ROBO1: variants seen among roughly 807,000 people sequenced by gnomAD.
ROBO1 encodes roundabout homolog 1.
Under a neutral mutation model 195.9 loss-of-function variants are expected in ROBO1, and 149 were observed. The ratio of observed to expected loss-of-function variants is 0.76; its 90% CI spans 0.67 to 0.87. The LOEUF (loss-of-function observed/expected upper bound fraction) is 0.87, where lower values mean the gene tolerates loss of function less well. Among genes scored for constraint, ROBO1 ranks in the 40% least tolerant of loss-of-function variants. The pLI, the probability that ROBO1 is intolerant of heterozygous loss-of-function variation, is 0.00. For synonymous variants in ROBO1, 816 were observed against 733.2 expected (o/e 1.11, Z -1.82); for missense variants, 1,933 against 2,068.3 (o/e 0.93, Z 1.27).
In ROBO1 at chr3:78,717,819, A is replaced by C; in HGVS notation, c.722T>G (p.Val241Gly). The change falls in exon 6 of 31, where the codon GTT becomes GGT. Residue 241 changes from valine (V) to glycine (G), a missense_variant. By Grantham distance (109) the Val-to-Gly change is moderately radical. This residue lies in a region of ROBO1 where 1,737 missense variants were observed against 1,882.5 expected (regional missense o/e 0.92). Coordinates refer to ENST00000464233, the MANE Select transcript of ROBO1 (RefSeq NM_002941.4). ...ACGTTCCCCAACCATATTGGTACCA[A>C]CACAAACATATTTGCCAGCGTCACT... ...RKSDAGKYVCVGTNMVGERES... is the reference protein window; with the variant it reads ...RKSDAGKYVCGGTNMVGERES... 1 of 1,613,800 alleles carries C rather than the reference A, an allele frequency of 6.2e-7. No homozygotes were observed.
At chr3:79,239,542 T>C (rs2108875250) in intron 2 of ROBO1, among the ~76,000 whole-genome samples, 1 of 152,304 alleles carries the variant, frequency 6.6e-6, no homozygotes, top group African/African-American at 2.4e-5. Context: ...GGCTTCATTC[T>C]GCTTTCCAAG....
chr3:78,972,775 G>A (rs1441599405), intron 3 of ROBO1, among the ~76,000 whole-genome samples: 2 of 151,986 alleles, frequency 1.3e-5, no homozygotes, highest in East Asian at 1.9e-4. Flanking sequence ...TCCATTCCTC[G>A]ATCACAGTGG....
intron 2 of ROBO1, among the ~76,000 whole-genome samples, chr3:79,199,961 G>C (rs2081731543): frequency 1.3e-5 from 2 of 151,648 alleles, no homozygotes; most frequent in Admixed American, 1.3e-4. Context: ...TGGTTATTCT[G>C]ACTATAAGGA....
At chr3:78,624,260 CT>C (rs1704623884) in intron 26 of ROBO1, among the ~76,000 whole-genome samples, 1 of 152,010 alleles carries the variant, frequency 6.6e-6, no homozygotes, top group Non-Finnish European at 1.5e-5. Context: ...ATCACTGGGA[CT>C]TTTATATTTT....
intron 4 of ROBO1, among the ~76,000 whole-genome samples, chr3:78,882,781 C>A (rs1056131258): frequency 6.6e-6 from 1 of 151,372 alleles, no homozygotes; most frequent in Admixed American, 6.6e-5. Context: ...AGCTCCTTTA[C>A]CTTCGGGATA....
chr3:79,044,121 T>G (rs531554740), intron 3 of ROBO1, among the ~76,000 whole-genome samples: 96 of 91,080 alleles, frequency 1.1e-3, no homozygotes, highest in African/African-American at 3.2e-3. Flanking sequence ...TGATAGTTGA[T>G]GAGCTAAAAA....
At chr3:79,642,346 T>A (rs1390953558) in intron 1 of ROBO1, among the ~76,000 whole-genome samples, 1 of 152,092 alleles carries the variant, frequency 6.6e-6, no homozygotes, top group Non-Finnish European at 1.5e-5. Flanking sequence ...GAGCAAGGGA[T>A]AGAAAGCTTA....
chr3:79,525,403 T>C (rs978707629), intron 2 of ROBO1, among the ~76,000 whole-genome samples: 5 of 149,726 alleles, frequency 3.3e-5, no homozygotes, highest in Admixed American at 1.3e-4. Flanking sequence ...AATAACAATT[T>C]CCAGCTCCTA....
At chr3:79,098,410 A>C (rs2108504857) in intron 3 of ROBO1, among the ~76,000 whole-genome samples, 1 of 151,818 alleles carries the variant, frequency 6.6e-6, no homozygotes, top group East Asian at 1.9e-4. Flanking sequence ...GACCACACTG[A>C]TGACATGATG....
rs549337304 is a variant in ROBO1 at position 79,455,425 on chromosome 3, G to C, written c.88+134399C>G. ...AAGAAGTTAAATGTCATAATTGTGAGGTGTGTAATTTTAAGAAGAGATGCT... is the reference window on the plus strand; with the variant it reads ...AAGAAGTTAAATGTCATAATTGTGACGTGTGTAATTTTAAGAAGAGATGCT... On this transcript the variant is annotated intron_variant, in intron 2 of 30. Transcript: ENST00000464233. 2.1e-4 allele frequency among the ~76,000 whole-genome samples: 32 copies of C among 152,086 alleles called. 1 individual carries two copies. Among genetic ancestry groups the C allele is most frequent in the African/African-American group, 7.0e-4 (29 of 41,502 alleles).
intron 4 of ROBO1, among the ~76,000 whole-genome samples, chr3:78,857,408 G>A (rs1386166827): frequency 1.3e-5 from 2 of 152,114 alleles, no homozygotes; most frequent in Non-Finnish European, 2.9e-5. Flanking sequence ...ATTAATTTAA[G>A]AGTTAGCATC....
chr3:78,682,393 A>G (rs2080938341), intron 10 of ROBO1, among the ~76,000 whole-genome samples: 1 of 150,748 alleles, frequency 6.6e-6, no homozygotes, highest in Non-Finnish European at 1.5e-5. Flanking sequence ...AATATATTAC[A>G]TATATCAAAA....
At chr3:78,913,379 G>A (rs933837888) in intron 4 of ROBO1, among the ~76,000 whole-genome samples, 6 of 152,010 alleles carry the variant, frequency 3.9e-5, no homozygotes, top group Non-Finnish European at 8.8e-5. Flanking sequence ...CGTAACAAGA[G>A]ATTTACCAGT....
rs1705479959 is a variant in ROBO1, at chr3:78,636,076, C to G, written c.3070G>C (p.Asp1024His). The part of the protein sequence containing the change: ...DCIANYNNQL[D>H]NKQTNLMLPE... ...AGCATCAGATTTGTTTGTTTGTTAT[C>G]CAGTTGGTTGTTATAATTTGCTATA... The change falls in exon 23 of 31, where the codon GAT becomes CAT. Residue 1024 changes from aspartate to histidine, a missense_variant. Physicochemically the swap from Asp to His is moderately conservative, Grantham distance 81 (BLOSUM62 -1). Transcript: ENST00000464233. 4 of 1,612,870 alleles carry G rather than the reference C, an allele frequency of 2.5e-6. No individual in the cohort carries two copies. The highest frequency in any genetic ancestry group is 3.4e-6 in the Non-Finnish European group (4 of 1,179,130).
At chr3:78,633,337 C>A (rs1273650964) in intron 24 of ROBO1, among the ~76,000 whole-genome samples, 1 of 152,144 alleles carries the variant, frequency 6.6e-6, no homozygotes, top group African/African-American at 2.4e-5. Flanking sequence ...AAACAGCTGG[C>A]AAACAGCTGT....
intron 1 of ROBO1, among the ~76,000 whole-genome samples, chr3:79,721,971 T>C (rs1702722376): frequency 6.6e-6 from 1 of 152,192 alleles, no homozygotes; most frequent in African/African-American, 2.4e-5. Flanking sequence ...ATTCTAATGC[T>C]CTTTCTGTAG....
intron 4 of ROBO1, among the ~76,000 whole-genome samples, chr3:78,756,767 C>T (rs1372267725): frequency 1.3e-5 from 2 of 152,136 alleles, no homozygotes; most frequent in Admixed American, 6.5e-5. Context: ...CCACCTTGGG[C>T]TATCCTGCAG....
chr3:79,761,129 C>T (rs1704676331), intron 1 of ROBO1, among the ~76,000 whole-genome samples: 1 of 147,552 alleles, frequency 6.8e-6, no homozygotes, highest in Non-Finnish European at 1.5e-5. Context: ...ACCATACCTA[C>T]TAAATATATA....
chr3:79,670,525 A>G (rs1030791063), intron 1 of ROBO1, among the ~76,000 whole-genome samples: 4 of 151,834 alleles, frequency 2.6e-5, no homozygotes, highest in Admixed American at 6.6e-5. Context: ...TTAACACACT[A>G]ATCAGGTTTG....
Sources: gnomAD v4.1 joint callset for allele counts (sites outside exome capture counted in the v4.1 genomes callset) on GRCh38, gnomAD v4.1.1 for gene constraint, gnomAD v4.1.1 regional missense constraint, MANE v1.5 for transcripts, NCBI Gene and HGNC (gene_info 2026-07-23, HGNC 2026-07-21) for gene names.